The following CACNA2D1 variants were observed in gnomAD, a reference collection of about 807,000 sequenced individuals.
The protein encoded by CACNA2D1 is calcium voltage-gated channel auxiliary subunit alpha2delta 1.
A neutral mutation model predicts 171.5 loss-of-function variants in CACNA2D1; 53 were observed. The ratio of observed to expected loss-of-function variants is 0.31; its 90% CI spans 0.25 to 0.39. The LOEUF (loss-of-function observed/expected upper bound fraction) is 0.39, where lower values mean the gene tolerates loss of function less well. Ranked by LOEUF, CACNA2D1 falls within the 10% of genes least tolerant of loss-of-function variation. The pLI is 1.00. For missense variants in CACNA2D1, 903 were observed against 1,299.8 expected (o/e 0.69, Z 4.69); for synonymous variants, 442 against 443.1 (o/e 1.00, Z 0.03).
chr7:82,037,379 T>G (rs985937716), intron 11 of CACNA2D1, among the ~76,000 whole-genome samples: 3 of 151,864 alleles, frequency 2.0e-5, no homozygotes, highest in African/African-American at 7.3e-5. Flanking sequence ...CTTGGGAGGC[T>G]GAGGCAGGAA....
chr7:82,108,506 A>G (rs1301655697), intron 6 of CACNA2D1, among the ~76,000 whole-genome samples: 4 of 152,178 alleles, frequency 2.6e-5, no homozygotes, highest in African/African-American at 9.7e-5. Flanking sequence ...GAGCTTCAAC[A>G]TATAAATTGG....
intron 10 of CACNA2D1, among the ~76,000 whole-genome samples, chr7:82,053,409 ATTAT>A (rs1264974760): frequency 1.7e-5 from 2 of 118,114 alleles, no homozygotes; most frequent in African/African-American, 3.9e-5. Context: ...ATCACTTAAA[ATTAT>A]TTAGTGAGTT....
intron 3 of CACNA2D1, among the ~76,000 whole-genome samples, chr7:82,192,052 T>G (rs952376090): frequency 6.6e-6 from 1 of 151,820 alleles, no homozygotes; most frequent in Non-Finnish European, 1.5e-5. Context: ...TGTTTGACTC[T>G]TCTCTATCCC....
intron 3 of CACNA2D1, among the ~76,000 whole-genome samples, chr7:82,278,397 G>A (rs1809631444): frequency 6.6e-6 from 1 of 151,720 alleles, no homozygotes; most frequent in Non-Finnish European, 1.5e-5. Context: ...TGGCCAACAT[G>A]GCAAAACCCC....
intron 12 of CACNA2D1, among the ~76,000 whole-genome samples, chr7:82,016,605 C>T (rs1270593814): frequency 8.0e-4 from 6 of 7,534 alleles, no homozygotes; most frequent in African/African-American, 2.3e-3. Flanking sequence ...AAACACTAGC[C>T]GCCCGCCCCC....
chr7:82,295,579 C>T (rs1051914857), intron 3 of CACNA2D1, among the ~76,000 whole-genome samples: 2 of 151,738 alleles, frequency 1.3e-5, no homozygotes, highest in Non-Finnish European at 2.9e-5. Flanking sequence ...TAGTCTCGAA[C>T]TCCTGAACTC....
At chr7:81,983,401 C>A in intron 22 of CACNA2D1, 67 bp from the exon 23 acceptor site, 2 of 1,152,472 alleles carry the variant, frequency 1.7e-6, no homozygotes, top group South Asian at 1.3e-5. Context: ...CAAAGGGGGT[C>A]ATAAACAATA....
intron 3 of CACNA2D1, among the ~76,000 whole-genome samples, chr7:82,245,585 G>C (rs1004239771): frequency 6.6e-6 from 1 of 151,402 alleles, no homozygotes; most frequent in African/African-American, 2.4e-5. Context: ...GAAGACTTTC[G>C]TAAATATTCA....
chr7:82,260,816 T>C (rs775171017), intron 3 of CACNA2D1, among the ~76,000 whole-genome samples: 1 of 152,196 alleles, frequency 6.6e-6, no homozygotes, highest in African/African-American at 2.4e-5. Flanking sequence ...AAAGGCATTA[T>C]AATGAACTAG....
intron 34 of CACNA2D1, 26 bp downstream of exon 34, chr7:81,964,030 C>CTT: frequency 6.3e-7 from 1 of 1,595,238 alleles, no homozygotes; most frequent in African/African-American, 1.3e-5. Flanking sequence ...TCTTTCATTA[C>CTT]CAATAAAACT....
At chr7:82,234,838 T>A (rs546862388) in intron 3 of CACNA2D1, among the ~76,000 whole-genome samples, 1 of 152,310 alleles carries the variant, frequency 6.6e-6, no homozygotes, top group East Asian at 1.9e-4. Flanking sequence ...AGCAAGATAC[T>A]TTTCCCTACT....
intron 3 of CACNA2D1, among the ~76,000 whole-genome samples, chr7:82,224,577 G>A (rs959466634): frequency 6.6e-6 from 1 of 151,352 alleles, no homozygotes; most frequent in Admixed American, 6.6e-5. Context: ...GCGAGACTCC[G>A]ACTCGAAAAA....
chr7:81,982,782 T>C (rs1257164229), intron 23 of CACNA2D1, 155 bp from the exon 24 acceptor site: 1 of 705,172 alleles, frequency 1.4e-6, no homozygotes, highest in Non-Finnish European at 2.6e-6. Flanking sequence ...TGAATATAAA[T>C]GTCCTCAATG....
intron 1 of CACNA2D1, among the ~76,000 whole-genome samples, chr7:82,430,155 TGTA>T (rs10537767): frequency 0.65 from 98,909 of 151,528 alleles, 33,289 homozygotes; most frequent in African/African-American, 0.82. Context: ...GGCTCACACC[TGTA>T]GTAATCCTAA....
At chr7:82,299,971 G>A (rs57756262) in intron 3 of CACNA2D1, among the ~76,000 whole-genome samples, 3,836 of 152,152 alleles carry the variant, frequency 0.025, 154 homozygotes, top group African/African-American at 0.088. Context: ...TGAAATGGGC[G>A]CGTATGGATT....
At chr7:82,372,577 ATAT>A (rs1302114157) in intron 1 of CACNA2D1, among the ~76,000 whole-genome samples, 2 of 152,060 alleles carry the variant, frequency 1.3e-5, no homozygotes, top group Non-Finnish European at 2.9e-5. Flanking sequence ...GCAAAATCTA[ATAT>A]TGTATAAAAT....
intron 16 of CACNA2D1, among the ~76,000 whole-genome samples, chr7:82,007,150 G>A (rs1799200253): frequency 6.6e-6 from 1 of 151,618 alleles, no homozygotes; most frequent in Admixed American, 6.6e-5. Context: ...TAAAAATTAA[G>A]CATTCTATGA....
intron 10 of CACNA2D1, among the ~76,000 whole-genome samples, chr7:82,053,016 G>C (rs1421353145): frequency 6.6e-6 from 1 of 152,084 alleles, no homozygotes; most frequent in African/African-American, 2.4e-5. Flanking sequence ...ACATTCGGAG[G>C]CAGAGGCGGG....
intron 3 of CACNA2D1, among the ~76,000 whole-genome samples, chr7:82,280,694 T>G (rs1299626175): frequency 6.6e-6 from 1 of 152,150 alleles, no homozygotes. Flanking sequence ...TTAATTTTAT[T>G]TTTTAGAGAC....
Sources: allele counts gnomAD v4.1 joint callset (sites outside exome capture counted in the v4.1 genomes callset), GRCh38; gene constraint gnomAD v4.1.1; transcripts MANE v1.5; gene names NCBI Gene and HGNC (gene_info 2026-07-23, HGNC 2026-07-21).